FRMD4B: variants seen among roughly 807,000 people sequenced by gnomAD.
FRMD4B encodes the protein FERM domain containing 4B.
Under a neutral mutation model 141.5 loss-of-function variants are expected in FRMD4B, and 74 were observed. That is an observed-to-expected ratio of 0.52 (90% CI 0.43 to 0.63). FRMD4B has a LOEUF of 0.63. Among genes scored for constraint, FRMD4B ranks in the 30% least tolerant of loss-of-function variants. FRMD4B has a pLI of 0.00. For missense variants in FRMD4B, 1,366 were observed against 1,253.4 expected, an observed-to-expected ratio of 1.09 and a Z score of -1.36; for synonymous variants, 506 against 467.9, an observed-to-expected ratio of 1.08 and a Z score of -1.05.
At chr3:69,414,680 C>T (rs928870372) in intron 2 of FRMD4B, among the ~76,000 whole-genome samples, 1 of 152,184 alleles carries the variant, frequency 6.6e-6, no homozygotes, top group Non-Finnish European at 1.5e-5. Flanking sequence ...CATTTCAACA[C>T]TATCATGAGA....
At chr3:69,253,995 G>A (rs2106807445) in intron 5 of FRMD4B, among the ~76,000 whole-genome samples, 1 of 152,268 alleles carries the variant, frequency 6.6e-6, no homozygotes, top group Admixed American at 6.5e-5. Flanking sequence ...TGGGAGGATG[G>A]CTTGAGCCTG....
At chr3:69,235,255 C>G (rs749432069) in intron 7 of FRMD4B, among the ~76,000 whole-genome samples, 1 of 151,346 alleles carries the variant, frequency 6.6e-6, no homozygotes, top group Non-Finnish European at 1.5e-5. Flanking sequence ...GTCAGGGAGC[C>G]TGAGCAAAGC....
chr3:69,307,245 T>C (rs1447536973), intron 3 of FRMD4B, among the ~76,000 whole-genome samples: 1 of 152,160 alleles, frequency 6.6e-6, no homozygotes, highest in Non-Finnish European at 1.5e-5. Context: ...GGAAAAAGGC[T>C]GTGTGAACCA....
intron 1 of FRMD4B, among the ~76,000 whole-genome samples, chr3:69,488,566 T>A (rs1013693631): frequency 2.0e-4 from 31 of 152,060 alleles, no homozygotes; most frequent in Non-Finnish European, 3.2e-4. Flanking sequence ...CTACTTCATA[T>A]CATATAGAAA....
chr3:69,282,078 T>C (rs954945128), intron 5 of FRMD4B, among the ~76,000 whole-genome samples: 7 of 152,172 alleles, frequency 4.6e-5, no homozygotes, highest in African/African-American at 1.4e-4. Context: ...TATAAATCCG[T>C]ATTTATGTAG....
Position 69,193,708 on chromosome 3 carries a change from T to C in FRMD4B, c.1654A>G (p.Ile552Val). The change falls in exon 17 of 23, where the codon ATA becomes GTA. Residue 552 changes from isoleucine (I) to valine (V), a missense_variant. Transcript: ENST00000398540. ...CCACACCTAATTCGGTATTCGTTTA[T>C]TGCATTTTCAATCTCCTGAAGCTTT... ...MKKLQEIENA[I>V]NEYRIRCGKK... 1 of 1,613,872 alleles carries C rather than the reference T, an allele frequency of 6.2e-7. No individual in the cohort carries two copies. The highest frequency in any genetic ancestry group is 1.1e-5 in the South Asian group (1 of 91,076).
At chr3:69,259,454 A>G (rs1192463558) in intron 5 of FRMD4B, among the ~76,000 whole-genome samples, 2 of 152,216 alleles carry the variant, frequency 1.3e-5, no homozygotes. Context: ...GCATTCAATA[A>G]AGGATGAATG....
intron 3 of FRMD4B, among the ~76,000 whole-genome samples, chr3:69,303,525 G>C (rs1701287329): frequency 6.6e-6 from 1 of 152,090 alleles, no homozygotes; most frequent in Non-Finnish European, 1.5e-5. Context: ...GATAACACTA[G>C]TTGACTTTTG....
rs550887077 is a variant in FRMD4B at position 69,364,127 on chromosome 3, G to A, written c.162+21701C>T. Among the ~76,000 whole-genome samples, 9 of 152,312 alleles carry A rather than the reference G, an allele frequency of 5.9e-5. No individual in the cohort carries two copies. The South Asian group carries it at 1.9e-3, about 32-fold the overall frequency. On this transcript the variant is annotated intron_variant, in intron 1 of 22. Coordinates refer to ENST00000398540, the MANE Select transcript of FRMD4B (RefSeq NM_015123.3). Reference sequence around the variant, plus strand: ...AGCAAAGAATGGATGTTTAAATCAGGCTTAGAAAATGAACACAAAACAAGA... The same window carrying A: ...AGCAAAGAATGGATGTTTAAATCAGACTTAGAAAATGAACACAAAACAAGA...
At chr3:69,250,323 T>TC in intron 5 of FRMD4B, 1 of 321,608 alleles carries the variant, frequency 3.1e-6, no homozygotes, top group South Asian at 4.7e-5. Flanking sequence ...GTGTGTCTAT[T>TC]TTAAATAGCT....
intron 7 of FRMD4B, among the ~76,000 whole-genome samples, chr3:69,236,539 T>C (rs2093346877): frequency 6.6e-6 from 1 of 152,000 alleles, no homozygotes; most frequent in African/African-American, 2.4e-5. Flanking sequence ...CCAAATTTGG[T>C]TTTTGAAAAA....
At chr3:69,523,573 G>A (rs888469253) in intron 1 of FRMD4B, among the ~76,000 whole-genome samples, 1 of 152,128 alleles carries the variant, frequency 6.6e-6, no homozygotes, top group Non-Finnish European at 1.5e-5. Context: ...AAGAGGAATT[G>A]GAAAGGCAAA....
chr3:69,370,737 G>A (rs1483128852), intron 1 of FRMD4B, among the ~76,000 whole-genome samples: 7 of 152,194 alleles, frequency 4.6e-5, no homozygotes, highest in Non-Finnish European at 7.3e-5. Context: ...AATGCTTGGT[G>A]TCTTCTCATA....
intron 1 of FRMD4B, among the ~76,000 whole-genome samples, chr3:69,541,786 AT>A (rs1189887962): frequency 1.4e-5 from 2 of 140,230 alleles, no homozygotes; most frequent in Non-Finnish European, 3.1e-5. Flanking sequence ...AACTCCAGGG[AT>A]TTCCCCCCCC....
upstream of FRMD4B, among the ~76,000 whole-genome samples, chr3:69,388,462 G>A (rs528897272): frequency 1.3e-5 from 2 of 152,130 alleles, no homozygotes; most frequent in Non-Finnish European, 2.9e-5. Context: ...TGAGATCAGC[G>A]ATCAGAGCTT....
Position 69,476,603 on chromosome 3 carries a change from C to G in FRMD4B, c.-128-43842G>C, listed in dbSNP as rs377265967. ...CCAGTACCCTGCTGTTTTGGTTACT[C>G]TAGCCTTGTAGTATAGTTTGAAGTC... On this transcript the variant is annotated intron_variant, in intron 1 of 5. Transcript: ENST00000459638. 9.2e-5 allele frequency among the ~76,000 whole-genome samples: 14 copies of G among 152,082 alleles called. 1 individual carries two copies. Among genetic ancestry groups the G allele is most frequent in the South Asian group, 4.1e-4 (2 of 4,824 alleles).
At chr3:69,464,400 C>T (rs1239254501) in intron 1 of FRMD4B, among the ~76,000 whole-genome samples, 4 of 152,150 alleles carry the variant, frequency 2.6e-5, no homozygotes, top group Non-Finnish European at 5.9e-5. Flanking sequence ...TACCCATAGA[C>T]TGTCTGCAGG....
intron 21 of FRMD4B, among the ~76,000 whole-genome samples, chr3:69,179,192 C>G (rs1051233757): frequency 6.6e-6 from 1 of 152,052 alleles, no homozygotes; most frequent in African/African-American, 2.4e-5. Flanking sequence ...CTGGTGTCAG[C>G]AAGGCTCACA....
chr3:69,199,975 G>A (rs181463516), intron 11 of FRMD4B, among the ~76,000 whole-genome samples: 1 of 66,690 alleles, frequency 1.5e-5, no homozygotes, highest in East Asian at 4.8e-4. Flanking sequence ...GACTTGATTA[G>A]GGAAATAACA....
Sources: allele counts gnomAD v4.1 joint callset (sites outside exome capture counted in the v4.1 genomes callset), GRCh38; gene constraint gnomAD v4.1.1; transcripts MANE v1.5; gene names NCBI Gene and HGNC (gene_info 2026-07-23, HGNC 2026-07-21).